METTL25: variants seen among roughly 807,000 people sequenced by gnomAD.
METTL25 encodes the protein probable methyltransferase-like protein 25.
METTL25 carries 64 observed loss-of-function variants against 71.6 expected under a neutral mutation model. That is an observed-to-expected ratio of 0.89 (90% CI 0.73 to 1.10). The LOEUF (loss-of-function observed/expected upper bound fraction) is 1.10. Among genes scored for constraint, METTL25 ranks in the 50% least tolerant of loss-of-function variants. The pLI is 0.00. For missense variants in METTL25, 807 were observed against 707.0 expected (o/e 1.14, Z -1.60); for synonymous variants, 287 against 250.3 (o/e 1.15, Z -1.38).
Position 82,421,087 on chromosome 12 carries a change from CCTGACCTCAGGTGATCTGCCCA to C in METTL25, c.1280-9804_1280-9783del, listed in dbSNP as rs1274607081. Among the ~76,000 whole-genome samples, 4 of 152,250 alleles carry C rather than the reference CCTGACCTCAGGTGATCTGCCCA, an allele frequency of 2.6e-5. No individual in the cohort carries two copies. The East Asian group carries it at 7.8e-4, about 30-fold the overall frequency. On this transcript the variant is annotated intron_variant, in intron 5 of 11. Coordinates refer to ENST00000248306, the MANE Select transcript of METTL25 (RefSeq NM_032230.3). ...ATGTTGGCCAGGCTGGTCTTGAACTCCTGACCTCAGGTGATCTGCCCACCTTGGCCTCCCAAAGTGCTGGAAT... is the reference window on the plus strand; with the variant it reads ...ATGTTGGCCAGGCTGGTCTTGAACTCCCTTGGCCTCCCAAAGTGCTGGAAT...
chr12:82,450,842 A>G (rs1369007232), intron 8 of METTL25, among the ~76,000 whole-genome samples: 1 of 152,170 alleles, frequency 6.6e-6, no homozygotes, highest in Admixed American at 6.6e-5. Context: ...TGGTTAGCTC[A>G]GCCTCTTTCT....
At position 82,430,993 on chromosome 12, in the gene METTL25, G is replaced by C; in HGVS notation, c.1374+6G>C. Reference sequence around the variant, plus strand: ...CCAGAATGTCAGCATGTTTGGTATGGTTATATTTTTTCCTGGAGTAACAGC... The same window carrying C: ...CCAGAATGTCAGCATGTTTGGTATGCTTATATTTTTTCCTGGAGTAACAGC... On this transcript the variant is annotated splice_donor_region_variant and intron_variant, in intron 6 of 11. Transcript: ENST00000248306. 1 of 1,563,728 alleles carries C rather than the reference G, an allele frequency of 6.4e-7. No individual in the cohort carries two copies. Among genetic ancestry groups the C allele is most frequent in the Non-Finnish European group, 8.7e-7 (1 of 1,144,070 alleles).
At chr12:82,408,983 G>A (rs775052647) in intron 5 of METTL25, among the ~76,000 whole-genome samples, 2 of 152,072 alleles carry the variant, frequency 1.3e-5, no homozygotes, top group Non-Finnish European at 2.9e-5. Flanking sequence ...TTGAATTGGG[G>A]CAGTGTTGCC....
At chr12:82,450,365 C>G (rs1022045508) in intron 8 of METTL25, among the ~76,000 whole-genome samples, 1 of 152,080 alleles carries the variant, frequency 6.6e-6, no homozygotes, top group Non-Finnish European at 1.5e-5. Context: ...TTCAATCTTT[C>G]AGCAACTTTA....
chr12:82,426,543 A>G (rs1471321529), intron 5 of METTL25, among the ~76,000 whole-genome samples: 1 of 152,012 alleles, frequency 6.6e-6, no homozygotes, highest in Non-Finnish European at 1.5e-5. Context: ...TCTTACACAC[A>G]GGTTGAGTAC....
intron 5 of METTL25, among the ~76,000 whole-genome samples, chr12:82,421,191 C>T (rs777747730): frequency 1.1e-4 from 17 of 152,094 alleles, no homozygotes; most frequent in Non-Finnish European, 1.9e-4. Context: ...AAAAGATCAT[C>T]ATGGTTGCAG....
intron 1 of METTL25, among the ~76,000 whole-genome samples, chr12:82,384,224 T>A (rs1200541079): frequency 6.6e-6 from 1 of 152,170 alleles, no homozygotes; most frequent in Non-Finnish European, 1.5e-5. Context: ...TAAGTAACAC[T>A]GGAATTTCTG....
At chr12:82,390,751 A>G (rs1406875093) in intron 3 of METTL25, among the ~76,000 whole-genome samples, 2 of 152,062 alleles carry the variant, frequency 1.3e-5, no homozygotes, top group African/African-American at 4.8e-5. Context: ...ACTAGTTTTC[A>G]GCCTTTTCTC....
chr12:82,425,492 G>A (rs1454538918), intron 5 of METTL25, among the ~76,000 whole-genome samples: 2 of 152,132 alleles, frequency 1.3e-5, no homozygotes, highest in Non-Finnish European at 2.9e-5. Flanking sequence ...ATGGAAGCCA[G>A]ATGAAGAGAT....
At chr12:82,392,825 A>C (rs1885719388) in intron 3 of METTL25, among the ~76,000 whole-genome samples, 1 of 152,046 alleles carries the variant, frequency 6.6e-6, no homozygotes, top group South Asian at 2.1e-4. Flanking sequence ...GGTGAGAGAT[A>C]GGGGTCTAGT....
chr12:82,449,769 A>G (rs1261026612), intron 8 of METTL25, among the ~76,000 whole-genome samples: 4 of 152,122 alleles, frequency 2.6e-5, no homozygotes, highest in African/African-American at 7.2e-5. Flanking sequence ...GAAATGGTGT[A>G]TCATAGTGCT....
chr12:82,374,409 G>A lies in METTL25; in HGVS notation c.260-12394G>A, dbSNP rs558093044. 2.0e-5 allele frequency: 3 copies of A among 152,362 alleles called. No individual in the cohort carries two copies. The East Asian group carries it at 5.8e-4, about 29-fold the overall frequency. 9.4% of individuals were successfully genotyped at this position (152,362 alleles called of 1,614,324 possible). On this transcript the variant is annotated intron_variant, in intron 1 of 11. Transcript: ENST00000248306. The stretch of plus-strand genomic sequence containing the variant: ...CACTGATTGGTCCATTTTACAGAGT[G>A]CTGATTGGTGCGTTTACAATCCCTT...
chr12:82,463,330 T>C (rs1282400191), intron 9 of METTL25, among the ~76,000 whole-genome samples: 1 of 152,038 alleles, frequency 6.6e-6, no homozygotes, highest in Non-Finnish European at 1.5e-5. Context: ...GAATATACTA[T>C]GTTTTTAACG....
intron 9 of METTL25, among the ~76,000 whole-genome samples, chr12:82,462,982 A>G (rs1478781756): frequency 2.0e-5 from 3 of 152,082 alleles, no homozygotes; most frequent in African/African-American, 7.2e-5. Context: ...TATGATATAC[A>G]TAGTGATGTT....
At chr12:82,375,744 C>G (rs1358490091) in intron 1 of METTL25, among the ~76,000 whole-genome samples, 1 of 152,162 alleles carries the variant, frequency 6.6e-6, no homozygotes, top group African/African-American at 2.4e-5. Context: ...TTGAGCATCT[C>G]TTTTATGGCC....
At chr12:82,377,575 A>G (rs1884000244) in intron 1 of METTL25, among the ~76,000 whole-genome samples, 2 of 152,206 alleles carry the variant, frequency 1.3e-5, no homozygotes, top group Admixed American at 6.5e-5. Flanking sequence ...AATTTTAGAA[A>G]TAGGAAATTT....
intron 5 of METTL25, among the ~76,000 whole-genome samples, chr12:82,406,598 C>T (rs1034091956): frequency 1.3e-5 from 2 of 152,086 alleles, no homozygotes; most frequent in Non-Finnish European, 2.9e-5. Context: ...TGGTACTCTT[C>T]TTTTAATAAA....
At position 82,460,722 on chromosome 12, in the gene METTL25, G is replaced by A. The variant is rs922213924; in HGVS notation, c.1572+3902G>A. On this transcript the variant is annotated intron_variant, in intron 9 of 11. Coordinates refer to ENST00000248306, the MANE Select transcript of METTL25 (RefSeq NM_032230.3). ...ACTGTCAAAGCCAAGAGGACTAATT[G>A]CAGTGTGGGTTCCCTGGATGGGATT... 3.5e-4 allele frequency among the ~76,000 whole-genome samples: 54 copies of A among 152,190 alleles called. 1 individual carries two copies. The highest frequency in any genetic ancestry group is 2.1e-4 in the South Asian group (1 of 4,830).
intron 3 of METTL25, among the ~76,000 whole-genome samples, chr12:82,397,401 C>T (rs913673022): frequency 1.3e-5 from 2 of 151,956 alleles, no homozygotes; most frequent in Non-Finnish European, 2.9e-5. Flanking sequence ...AAATGTTTTG[C>T]AAGTATTTCT....
Sources: gnomAD v4.1 joint callset for allele counts (sites outside exome capture counted in the v4.1 genomes callset) on GRCh38, gnomAD v4.1.1 for gene constraint, MANE v1.5 for transcripts, NCBI Gene and HGNC (gene_info 2026-07-23, HGNC 2026-07-21) for gene names.